Variants in NTM observed in about 807,000 individuals in gnomAD.
NTM encodes the protein neurotrimin, also known as IgLON family member 2.
In NTM, 13 loss-of-function variants were observed where a neutral mutation model predicts 42.1. That is an observed-to-expected ratio of 0.31 (90% CI 0.20 to 0.49). NTM has a LOEUF of 0.49. Among genes scored for constraint, NTM ranks in the 20% least tolerant of loss-of-function variants. The pLI is 0.99. For synonymous variants in NTM, 187 were observed against 179.2 expected, an observed-to-expected ratio of 1.04 and a Z score of -0.35; for missense variants, 373 against 452.8, an observed-to-expected ratio of 0.82 and a Z score of 1.60.
intron 2 of NTM, among the ~76,000 whole-genome samples, chr11:132,140,063 A>G (rs1190160854): frequency 1.3e-5 from 2 of 152,212 alleles, no homozygotes; most frequent in Non-Finnish European, 2.9e-5. Context: ...GTTTCCATTT[A>G]ATCTTCTCAT....
intron 1 of NTM, among the ~76,000 whole-genome samples, chr11:131,442,054 A>G (rs1350488491): frequency 7.9e-5 from 12 of 152,196 alleles, no homozygotes; most frequent in Non-Finnish European, 1.8e-4. Flanking sequence ...TTCAATTGGA[A>G]TGATATCTCA....
At chr11:131,592,933 A>C (rs959228151) in intron 1 of NTM, among the ~76,000 whole-genome samples, 2 of 152,112 alleles carry the variant, frequency 1.3e-5, no homozygotes, top group African/African-American at 4.8e-5. Flanking sequence ...TGGCAGCTGG[A>C]ATTGCAGTTC....
chr11:131,479,959 C>G (rs963100816), intron 1 of NTM, among the ~76,000 whole-genome samples: 18 of 151,984 alleles, frequency 1.2e-4, no homozygotes, highest in African/African-American at 4.1e-4. Flanking sequence ...CAAATAGAGG[C>G]AGGATCAGTA....
At chr11:132,198,945 C>T (rs1425919757) in intron 3 of NTM, among the ~76,000 whole-genome samples, 7 of 152,140 alleles carry the variant, frequency 4.6e-5, no homozygotes, top group Non-Finnish European at 1.0e-4. Context: ...GTGTGTTTAG[C>T]TAGGACTAAA....
rs1555127950 is a variant in NTM, at chr11:131,789,636, A to AAGAAGAAGAAGAAGAAGAAGAAGAAGAAG, written c.83-121927_83-121926insGAAGAAGAAGAAGAAGAAGAAGAAGAAGA. Among the ~76,000 whole-genome samples the AAGAAGAAGAAGAAGAAGAAGAAGAAGAAG allele has an allele frequency of 6.5e-5, 2 of 30,902 alleles. 1 individual carries two copies. Among genetic ancestry groups the AAGAAGAAGAAGAAGAAGAAGAAGAAGAAG allele is most frequent in the Non-Finnish European group, 1.5e-4 (2 of 13,760 alleles). 20.3% of individuals were successfully genotyped at this position (30,902 alleles called of 152,430 possible). A position where few individuals can be genotyped will look rare whatever the true frequency, so the allele number is the denominator to read the frequency against. On this transcript the variant is annotated intron_variant, in intron 1 of 8. Coordinates refer to ENST00000683400, the MANE Select transcript of NTM (RefSeq NM_001352005.2). The stretch of plus-strand genomic sequence containing the variant: ...AAGAAGAAGAAGAAGAAGAAGAAGA[A>AAGAAGAAGAAGAAGAAGAAGAAGAAGAAG]AAGAAGAAGAAGAAGAAGAAGAAGA...
intron 1 of NTM, among the ~76,000 whole-genome samples, chr11:131,613,537 C>A (rs1198826047): frequency 1.3e-5 from 2 of 152,158 alleles, no homozygotes; most frequent in South Asian, 2.1e-4. Flanking sequence ...AAGACGGGCG[C>A]TTCTTTCAAA....
intron 1 of NTM, among the ~76,000 whole-genome samples, chr11:131,497,608 GA>G (rs1955489689): frequency 6.6e-6 from 1 of 152,190 alleles, no homozygotes; most frequent in Non-Finnish European, 1.5e-5. Context: ...CAGAGTGTAG[GA>G]TACAGTAAGT....
intron 1 of NTM, among the ~76,000 whole-genome samples, chr11:131,734,318 G>A (rs2135515842): frequency 6.6e-6 from 1 of 152,218 alleles, no homozygotes; most frequent in South Asian, 2.1e-4. Flanking sequence ...GATTTGATGG[G>A]GCCACTGTGA....
chr11:131,802,823 T>G (rs941291635), intron 1 of NTM, among the ~76,000 whole-genome samples: 5 of 152,216 alleles, frequency 3.3e-5, no homozygotes, highest in Non-Finnish European at 5.9e-5. Context: ...TTCCCCCACT[T>G]TATACAATTG....
intron 2 of NTM, among the ~76,000 whole-genome samples, chr11:132,063,993 C>T (rs992999692): frequency 1.3e-5 from 2 of 152,228 alleles, no homozygotes; most frequent in East Asian, 1.9e-4. Context: ...TACTTTAGCA[C>T]GTGGGCACCA....
intron 4 of NTM, among the ~76,000 whole-genome samples, chr11:132,213,525 T>C (rs975955892): frequency 4.6e-5 from 7 of 151,888 alleles, no homozygotes; most frequent in African/African-American, 7.3e-5. Context: ...CTGTGAGGCA[T>C]AAGTCCTCTG....
Position 131,387,034 on chromosome 11 carries a change from A to G in NTM, c.82+16146A>G, listed in dbSNP as rs552074165. ...ATTTCTTAATCTCCACATCAATCAGAATATCCTTTCTCAGCCCAGTCTATC... is the reference window on the plus strand; with the variant it reads ...ATTTCTTAATCTCCACATCAATCAGGATATCCTTTCTCAGCCCAGTCTATC... On this transcript the variant is annotated intron_variant, in intron 1 of 8. Coordinates refer to ENST00000683400, the MANE Select transcript of NTM (RefSeq NM_001352005.2). Among the ~76,000 whole-genome samples, 3 of 152,220 alleles carry G rather than the reference A, an allele frequency of 2.0e-5. No individual in the cohort carries two copies. The East Asian group carries it at 5.8e-4, about 29-fold the overall frequency.
intron 4 of NTM, among the ~76,000 whole-genome samples, chr11:132,246,589 ATAT>A (rs2091200644): frequency 6.6e-6 from 1 of 152,200 alleles, no homozygotes; most frequent in Admixed American, 6.5e-5. Flanking sequence ...GCTTTGGATA[ATAT>A]TCAAATAATT....
At chr11:131,759,726 T>A (rs1260346193) in intron 1 of NTM, among the ~76,000 whole-genome samples, 1 of 152,082 alleles carries the variant, frequency 6.6e-6, no homozygotes, top group Non-Finnish European at 1.5e-5. Flanking sequence ...TTTTCATAGC[T>A]GCTACCAAAC....
chr11:131,839,026 T>A (rs1217111012), intron 1 of NTM, among the ~76,000 whole-genome samples: 1 of 151,040 alleles, frequency 6.6e-6, no homozygotes, highest in Non-Finnish European at 1.5e-5. Flanking sequence ...AATGGCGCAA[T>A]CTCGGCTCAC....
chr11:132,074,665 A>G (rs952886460), intron 2 of NTM, among the ~76,000 whole-genome samples: 3 of 152,204 alleles, frequency 2.0e-5, no homozygotes, highest in African/African-American at 4.8e-5. Flanking sequence ...AGATATGGAA[A>G]CACTAAATGT....
chr11:132,217,358 C>CTGTGTGTG (rs375759515), intron 4 of NTM, among the ~76,000 whole-genome samples: 1,548 of 142,706 alleles, frequency 0.011, 13 homozygotes, highest in Middle Eastern at 0.03. Flanking sequence ...CTCTCTCTTT[C>CTGTGTGTG]TGTGTGTGTG....
chr11:131,443,173 A>T (rs61901896), intron 1 of NTM, among the ~76,000 whole-genome samples: 1 of 152,058 alleles, frequency 6.6e-6, no homozygotes, highest in Admixed American at 6.6e-5. Context: ...GATTTGCTGC[A>T]GTGTTTAAAG....
chr11:131,568,377 A>G (rs2057108423), intron 1 of NTM, among the ~76,000 whole-genome samples: 1 of 152,224 alleles, frequency 6.6e-6, no homozygotes, highest in Non-Finnish European at 1.5e-5. Context: ...TGGTATTGTC[A>G]TTTCACAAGT....
Sources: allele counts gnomAD v4.1 joint callset (sites outside exome capture counted in the v4.1 genomes callset), GRCh38; gene constraint gnomAD v4.1.1; transcripts MANE v1.5; gene names NCBI Gene and HGNC (gene_info 2026-07-23, HGNC 2026-07-21).